Variants in DCC observed in about 807,000 individuals in gnomAD.
DCC encodes the protein netrin receptor DCC.
In DCC, 58 loss-of-function variants were observed where a neutral mutation model predicts 172.5. That is an observed-to-expected ratio of 0.34 (90% confidence interval 0.27 to 0.42). The LOEUF (loss-of-function observed/expected upper bound fraction) is 0.42. Ranked by LOEUF, DCC falls within the 10% of genes least tolerant of loss-of-function variation. DCC has a pLI of 1.00. For missense variants in DCC, 1,740 were observed against 1,791.0 expected, an observed-to-expected ratio of 0.97 and a Z score of 0.51; for synonymous variants, 709 against 644.5, an observed-to-expected ratio of 1.10 and a Z score of -1.52.
At chr18:52,848,746 A>G (rs2038932616) in intron 2 of DCC, among the ~76,000 whole-genome samples, 1 of 152,164 alleles carries the variant, frequency 6.6e-6, no homozygotes, top group Admixed American at 6.5e-5. Flanking sequence ...GGAATTATCC[A>G]TCTTTCTCTA....
intron 1 of DCC, among the ~76,000 whole-genome samples, chr18:52,433,778 T>C (rs906804466): frequency 4.6e-5 from 7 of 152,226 alleles, no homozygotes; most frequent in African/African-American, 1.2e-4. Context: ...CTTTTATACA[T>C]GGGAAGTCCT....
At chr18:52,708,525 A>G (rs1298935925) in intron 1 of DCC, among the ~76,000 whole-genome samples, 1 of 152,174 alleles carries the variant, frequency 6.6e-6, no homozygotes, top group Admixed American at 6.5e-5. Flanking sequence ...CACATCCAAT[A>G]ACAGAGGCCA....
chr18:52,373,887 C>CTTTTTTTTTTTTTTTTTTT (rs779518696), intron 1 of DCC, among the ~76,000 whole-genome samples: 1 of 141,114 alleles, frequency 7.1e-6, no homozygotes, highest in Non-Finnish European at 1.5e-5. Context: ...TTGGTTGCAT[C>CTTTTTTTTTTTTTTTTTTT]ATTTTTTTTT....
chr18:53,337,911 C>CCAGAGATTTTCTAAATCA (rs2057610493), intron 14 of DCC, among the ~76,000 whole-genome samples: 1 of 152,094 alleles, frequency 6.6e-6, no homozygotes, highest in Non-Finnish European at 1.5e-5. Context: ...GCATATGTTA[C>CCAGAGATTTTCTAAATCA]CTTCAGAGAT....
chr18:52,592,908 G>C (rs932630116), intron 1 of DCC, among the ~76,000 whole-genome samples: 1 of 152,096 alleles, frequency 6.6e-6, no homozygotes, highest in African/African-American at 2.4e-5. Context: ...GCCTCCCGAA[G>C]TGCTAGGATT....
intron 16 of DCC, among the ~76,000 whole-genome samples, chr18:53,390,376 T>C (rs1257519914): frequency 4.6e-5 from 7 of 152,204 alleles, no homozygotes; most frequent in African/African-American, 1.7e-4. Context: ...GGATAGGCAT[T>C]TGAAATGCAG....
intron 25 of DCC, among the ~76,000 whole-genome samples, chr18:53,483,836 A>T (rs572215692): frequency 2.7e-4 from 41 of 151,888 alleles, no homozygotes; most frequent in Non-Finnish European, 5.2e-4. Flanking sequence ...ACTTAATGAC[A>T]TGAATGGGGC....
intron 7 of DCC, among the ~76,000 whole-genome samples, chr18:53,075,611 T>C (rs2042715623): frequency 6.6e-6 from 1 of 151,992 alleles, no homozygotes; most frequent in Admixed American, 6.6e-5. Context: ...GTTTTTATAT[T>C]GAATCCAAAT....
At chr18:53,514,843 G>T (rs1424775457) in intron 27 of DCC, among the ~76,000 whole-genome samples, 1 of 151,922 alleles carries the variant, frequency 6.6e-6, no homozygotes, top group Non-Finnish European at 1.5e-5. Flanking sequence ...GGACCAGATG[G>T]ATTCACAGCC....
chr18:52,715,884 G>T (rs564453156), intron 1 of DCC, among the ~76,000 whole-genome samples: 1 of 146,470 alleles, frequency 6.8e-6, no homozygotes, highest in South Asian at 2.1e-4. Context: ...TTCTGGCTTA[G>T]AATTCAGGCT....
intron 1 of DCC, among the ~76,000 whole-genome samples, chr18:52,504,712 ACT>A (rs2031165764): frequency 6.6e-6 from 1 of 151,542 alleles, no homozygotes; most frequent in South Asian, 2.1e-4. Flanking sequence ...GTGTTACCAC[ACT>A]CTCTCCTCCT....
intron 5 of DCC, among the ~76,000 whole-genome samples, chr18:53,047,061 C>T (rs1372679908): frequency 1.3e-5 from 2 of 150,850 alleles, no homozygotes; most frequent in African/African-American, 4.9e-5. Context: ...CCAGCAACTA[C>T]AGTTTCTCTG....
intron 25 of DCC, among the ~76,000 whole-genome samples, chr18:53,486,269 A>G (rs2045898650): frequency 6.6e-6 from 1 of 152,198 alleles, no homozygotes; most frequent in Non-Finnish European, 1.5e-5. Flanking sequence ...GTATTTGAAG[A>G]TATTTTCTAT....
At chr18:53,160,631 C>T (rs541774719) in intron 8 of DCC, among the ~76,000 whole-genome samples, 2 of 152,254 alleles carry the variant, frequency 1.3e-5, no homozygotes, top group South Asian at 2.1e-4. Context: ...AAATTCATAG[C>T]TACTAATCTC....
intron 5 of DCC, among the ~76,000 whole-genome samples, chr18:52,970,836 G>GTAT (rs1555689887): frequency 6.6e-6 from 1 of 152,132 alleles, no homozygotes. Flanking sequence ...GGAGCTTGGG[G>GTAT]TATTATTAGG....
chr18:53,468,150 G>A (rs974865689), intron 25 of DCC, 140 bp downstream of exon 25: 48 of 668,354 alleles, frequency 7.2e-5, no homozygotes, highest in African/African-American at 2.3e-4. Flanking sequence ...GACTAAAACC[G>A]TATCATTAAT....
chr18:52,960,632 G>C (rs147876083), intron 5 of DCC, among the ~76,000 whole-genome samples: 2,061 of 152,144 alleles, frequency 0.014, 61 homozygotes, highest in African/African-American at 0.048. Context: ...GCACAACATT[G>C]ATAGAGGATC....
chr18:52,939,791 C>T (rs919513468), intron 5 of DCC, among the ~76,000 whole-genome samples: 2 of 152,122 alleles, frequency 1.3e-5, no homozygotes, highest in Non-Finnish European at 2.9e-5. Flanking sequence ...TTTCCTTTCT[C>T]ATACCATGGT....
At chr18:53,070,383 C>CA (rs1371669547) in intron 7 of DCC, among the ~76,000 whole-genome samples, 2 of 152,138 alleles carry the variant, frequency 1.3e-5, no homozygotes, top group African/African-American at 2.4e-5. Context: ...ACAGAGCTGA[C>CA]AGTGTGTGTT....
Sources: allele counts gnomAD v4.1 joint callset (sites outside exome capture counted in the v4.1 genomes callset), GRCh38; gene constraint gnomAD v4.1.1; transcripts MANE v1.5; gene names NCBI Gene and HGNC (gene_info 2026-07-23, HGNC 2026-07-21).